STIM1: variants seen among roughly 807,000 people sequenced by gnomAD.
The protein encoded by STIM1 is stromal interaction molecule 1.
In STIM1, 25 loss-of-function variants were observed where a neutral mutation model predicts 74.7. That is an observed-to-expected ratio of 0.33 (90% CI 0.24 to 0.47). The LOEUF is 0.47. Among genes scored for constraint, STIM1 ranks in the 20% least tolerant of loss-of-function variants. The probability of loss-of-function intolerance (pLI) is 1.00; values close to 1 mark genes in which losing one functional copy is unlikely to be tolerated. For synonymous variants in STIM1, 328 were observed against 348.8 expected (o/e 0.94, Z 0.66); for missense variants, 728 against 920.8 (o/e 0.79, Z 2.71).
chr11:4,059,233 C>T, intron 4 of STIM1, 48 bp from the exon 5 acceptor site: 1 of 1,533,866 alleles, frequency 6.5e-7, no homozygotes, highest in African/African-American at 1.4e-5. Flanking sequence ...CAGGATCCTT[C>T]CTGGCTTTAC....
intron 1 of STIM1, among the ~76,000 whole-genome samples, chr11:3,963,750 T>A (rs534595567): frequency 6.6e-6 from 1 of 152,212 alleles, no homozygotes; most frequent in Non-Finnish European, 1.5e-5. Context: ...TTAAACCCAG[T>A]ATGTTGAATG....
In STIM1 at chr11:3,868,738, A is replaced by T. The variant is rs115688046; in HGVS notation, c.139+12329A>T. 8.3e-3 allele frequency among the ~76,000 whole-genome samples: 1,262 copies of T among 152,160 alleles called. 17 individuals are homozygous for T. The highest frequency in any genetic ancestry group is 0.028 in the African/African-American group (1,153 of 41,494). On this transcript the variant is annotated intron_variant, in intron 1 of 12. Transcript: ENST00000526596. ...ACAGAGTGGTGTATATTCAGTTTAT[A>T]TTTTCCAAAACTATCACCCTGGTTC... is the stretch of plus-strand genomic sequence containing the variant.
At position 4,003,583 on chromosome 11, in the gene STIM1, G is replaced by A. The variant is rs540919804; in HGVS notation, c.271-20290G>A. 5.2e-3 allele frequency among the ~76,000 whole-genome samples: 794 copies of A among 151,918 alleles called. 6 individuals carry two copies. The highest frequency in any genetic ancestry group is 0.018 in the African/African-American group (748 of 41,402). On this transcript the variant is annotated intron_variant, in intron 2 of 12. Coordinates refer to ENST00000526596, the MANE Select transcript of STIM1 (RefSeq NM_001382567.1). Reference sequence around the variant, plus strand: ...TCAATAAATTAGGTATTGATGGGACGTATCTCAAAATAATAAGAGCTATCT... The same window carrying A: ...TCAATAAATTAGGTATTGATGGGACATATCTCAAAATAATAAGAGCTATCT...
At chr11:4,085,146 C>A (rs1396359622) in intron 11 of STIM1, among the ~76,000 whole-genome samples, 1 of 151,318 alleles carries the variant, frequency 6.6e-6, no homozygotes, top group Non-Finnish European at 1.5e-5. Context: ...CCCTTCCCCC[C>A]CCTATTCCAG....
chr11:3,911,741 T>C (rs2092565296), intron 1 of STIM1, among the ~76,000 whole-genome samples: 1 of 152,188 alleles, frequency 6.6e-6, no homozygotes, highest in Non-Finnish European at 1.5e-5. Flanking sequence ...GTGTCACCAC[T>C]TTTTAAGCTT....
At chr11:4,034,691 A>C (rs985307658) in intron 3 of STIM1, among the ~76,000 whole-genome samples, 1 of 152,120 alleles carries the variant, frequency 6.6e-6, no homozygotes, top group Admixed American at 6.5e-5. Flanking sequence ...TAGAATTGGT[A>C]TTATTTTTTC....
chr11:3,980,808 C>A (rs181637212), intron 2 of STIM1, among the ~76,000 whole-genome samples: 66 of 152,218 alleles, frequency 4.3e-4, no homozygotes, highest in Non-Finnish European at 7.6e-4. Flanking sequence ...GGGGAGCTGT[C>A]TTGTACATTG....
intron 1 of STIM1, among the ~76,000 whole-genome samples, chr11:3,918,541 A>AAAAGAAAG (rs71047189): frequency 2.1e-5 from 3 of 146,286 alleles, no homozygotes; most frequent in African/African-American, 7.8e-5. Context: ...CTCAAAAAAA[A>AAAAGAAAG]AAAGAAAGAA....
intron 1 of STIM1, among the ~76,000 whole-genome samples, chr11:3,866,120 T>A (rs1354893230): frequency 6.6e-6 from 1 of 152,148 alleles, no homozygotes; most frequent in Non-Finnish European, 1.5e-5. Context: ...ACTCACTTCA[T>A]CTCCCTCTGT....
chr11:3,999,037 A>G (rs2093687670), intron 2 of STIM1, among the ~76,000 whole-genome samples: 1 of 152,254 alleles, frequency 6.6e-6, no homozygotes, highest in South Asian at 2.1e-4. Context: ...GAGCCTGGCT[A>G]TGTTTCAGTA....
intron 7 of STIM1, among the ~76,000 whole-genome samples, chr11:4,075,917 A>G (rs1027650377): frequency 6.6e-6 from 1 of 151,656 alleles, no homozygotes; most frequent in African/African-American, 2.4e-5. Context: ...TGTGATTTTA[A>G]TTTTCATTTC....
At chr11:4,085,153 C>G (rs2094486124) in intron 11 of STIM1, among the ~76,000 whole-genome samples, 1 of 149,972 alleles carries the variant, frequency 6.7e-6, no homozygotes, top group South Asian at 2.1e-4. Context: ...CCCCCCTATT[C>G]CAGACTTCCT....
chr11:4,048,741 A>AT (rs887835125), intron 3 of STIM1, among the ~76,000 whole-genome samples: 13 of 149,578 alleles, frequency 8.7e-5, no homozygotes, highest in East Asian at 2.0e-4. Flanking sequence ...ATTATTATTA[A>AT]TTTTTTTTTT....
At chr11:3,991,746 A>G (rs2093613368) in intron 2 of STIM1, among the ~76,000 whole-genome samples, 1 of 151,054 alleles carries the variant, frequency 6.6e-6, no homozygotes, top group Non-Finnish European at 1.5e-5. Flanking sequence ...GTCGGGGTTC[A>G]AGACCAGCCT....
At position 4,086,523 on chromosome 11, in the gene STIM1, G is replaced by C; in HGVS notation, c.1614G>C (p.Gln538His). Reference sequence around the variant, plus strand: ...TTCGGCAGCGCCTGACGGAGCCACAGCATGGCCTGGGATCTCAGAGGTTGG... The same window carrying C: ...TTCGGCAGCGCCTGACGGAGCCACACCATGGCCTGGGATCTCAGAGGTTGG... ...SSVRQRLTEP[Q>H]HGLGSQRDLT... is the part of the protein sequence containing the mutation. Residue 538 changes from glutamine to histidine, a missense_variant, in exon 12 of 13, where the codon CAG (glutamine) becomes CAC (histidine). Physicochemically the swap from Gln to His is conservative, Grantham distance 24. Transcript: ENST00000526596. 1 of 1,614,178 alleles carries C rather than the reference G, an allele frequency of 6.2e-7. No homozygotes were observed.
chr11:3,896,062 A>G (rs369604073), intron 1 of STIM1, among the ~76,000 whole-genome samples: 3,803 of 128,382 alleles, frequency 0.03, no homozygotes, highest in African/African-American at 0.069. Context: ...CCACCACCAC[A>G]CCCGGCTAAT....
chr11:3,933,958 G>T (rs1439348138), intron 1 of STIM1, among the ~76,000 whole-genome samples: 1 of 152,180 alleles, frequency 6.6e-6, no homozygotes, highest in Non-Finnish European at 1.5e-5. Flanking sequence ...TACTGAAGTT[G>T]GTTGGATCTT....
At chr11:3,973,177 G>A (rs191191584) in intron 2 of STIM1, 3 of 425,882 alleles carry the variant, frequency 7.0e-6, no homozygotes, top group Admixed American at 2.7e-5. Flanking sequence ...AGCCATCCCT[G>A]TTGCTACCAG....
Position 4,059,270 on chromosome 11 carries a change from T to C in STIM1, c.498-11T>C. 1 of 1,612,650 alleles carries C rather than the reference T, an allele frequency of 6.2e-7. No individual in the cohort carries two copies. The highest frequency in any genetic ancestry group is 8.5e-7 in the Non-Finnish European group (1 of 1,178,678). ...GGGAGGGAACTGATCTGCTACTCTT[T>C]GCCTCAACAGGCTGGCTGTCACCAA... On this transcript the variant is annotated splice_polypyrimidine_tract_variant and intron_variant, in intron 4 of 12. Coordinates refer to ENST00000526596, the MANE Select transcript of STIM1 (RefSeq NM_001382567.1).
Sources: gnomAD v4.1 joint callset for allele counts (sites outside exome capture counted in the v4.1 genomes callset) on GRCh38, gnomAD v4.1.1 for gene constraint, MANE v1.5 for transcripts, NCBI Gene and HGNC (gene_info 2026-07-23, HGNC 2026-07-21) for gene names.